HBS1L: variants seen among roughly 807,000 people sequenced by gnomAD.
The protein encoded by HBS1L is HBS1 like translational GTPase.
A neutral mutation model predicts 88.9 loss-of-function variants in HBS1L; 55 were observed. The ratio of observed to expected loss-of-function variants is 0.62; its 90% CI spans 0.50 to 0.77. The LOEUF (loss-of-function observed/expected upper bound fraction) is 0.77, where lower values mean the gene tolerates loss of function less well. HBS1L is among the 30% of genes least tolerant of loss of function. The pLI, the probability that HBS1L is intolerant of heterozygous loss-of-function variation, is 0.00. For synonymous variants in HBS1L, 267 were observed against 288.5 expected (o/e 0.93, Z 0.76); for missense variants, 741 against 829.3 (o/e 0.89, Z 1.31).
At chr6:135,049,321 G>A (rs905627870) in intron 2 of HBS1L, among the ~76,000 whole-genome samples, 1 of 151,994 alleles carries the variant, frequency 6.6e-6, no homozygotes, top group African/African-American at 2.4e-5. Context: ...ATTCATGAGG[G>A]CTCTACCCTC....
chr6:134,999,509 G>A lies in HBS1L; in HGVS notation c.540-1853C>T, dbSNP rs917193071. Among the ~76,000 whole-genome samples the A allele has an allele frequency of 6.9e-5, 10 of 144,644 alleles. No individual in the cohort carries two copies. The East Asian group carries it at 1.8e-3, about 26-fold the overall frequency. 94.9% of individuals were successfully genotyped at this position (144,644 alleles called of 152,430 possible). Reference sequence around the variant, plus strand: ...ATCACCCAGGCTGGAGTGCAATGGTGCGATCTCAGCTCACTGCAACCTCCG... The same window carrying A: ...ATCACCCAGGCTGGAGTGCAATGGTACGATCTCAGCTCACTGCAACCTCCG... On this transcript the variant is annotated intron_variant, in intron 5 of 17. Coordinates refer to ENST00000367837, the MANE Select transcript of HBS1L (RefSeq NM_006620.4).
At chr6:134,980,832 G>T (rs1407127618) in intron 13 of HBS1L, among the ~76,000 whole-genome samples, 1 of 151,780 alleles carries the variant, frequency 6.6e-6, no homozygotes, top group Non-Finnish European at 1.5e-5. Context: ...GGACAGTACT[G>T]GTTAAAGAGC....
chr6:134,998,475 C>T (rs549596681), intron 5 of HBS1L, among the ~76,000 whole-genome samples: 1 of 152,324 alleles, frequency 6.6e-6, no homozygotes, highest in East Asian at 1.9e-4. Context: ...ATATGCCTCA[C>T]TTTGCTTTAA....
intron 4 of HBS1L, among the ~76,000 whole-genome samples, chr6:135,006,282 ATCTTAGTAAATT>A (rs553488878): frequency 1.7e-3 from 252 of 152,362 alleles, no homozygotes; most frequent in African/African-American, 5.9e-3. Flanking sequence ...AGAAGAAGAA[ATCTTAGTAAATT>A]TCTGATGAGA....
chr6:134,962,603 CAAA>C lies in HBS1L; in HGVS notation c.*2673_*2675del, dbSNP rs1447561127. The stretch of plus-strand genomic sequence containing the variant: ...GAATGTGTGAATAATACTAACAAGT[CAAA>C]ACATAGTTCTGTAATGTGTTCAAGC... On this transcript the variant is annotated 3_prime_UTR_variant, in exon 18 of 18. Coordinates refer to ENST00000367837, the MANE Select transcript of HBS1L (RefSeq NM_006620.4). 4 of 152,144 alleles carry C rather than the reference CAAA, an allele frequency of 2.6e-5. No individual in the cohort carries two copies. Among genetic ancestry groups the C allele is most frequent in the Admixed American group, 2.6e-4 (4 of 15,284 alleles). 9.4% of individuals were successfully genotyped at this position (152,144 alleles called of 1,614,324 possible).
rs547191153 is a variant in HBS1L at position 134,976,591 on chromosome 6, G to A, written c.1797+2088C>T. 1.1e-4 allele frequency among the ~76,000 whole-genome samples: 17 copies of A among 152,188 alleles called. No individual in the cohort carries two copies. In the South Asian group the frequency reaches 3.5e-3, roughly 32 times the overall value. On this transcript the variant is annotated intron_variant, in intron 15 of 17. Coordinates refer to ENST00000367837, the MANE Select transcript of HBS1L (RefSeq NM_006620.4). ...TCAGCCATACAAGGGTAGAGATAGT[G>A]TGTTTTGCAGCAACTTGGATAGGGC... is the stretch of plus-strand genomic sequence containing the variant.
intron 4 of HBS1L, among the ~76,000 whole-genome samples, chr6:135,005,135 T>C (rs1775575320): frequency 6.6e-6 from 1 of 152,142 alleles, no homozygotes; most frequent in Admixed American, 6.5e-5. Context: ...AAGTCATTGG[T>C]AGAGTTAGCA....
At chr6:135,027,932 T>C (rs1171194418) in intron 4 of HBS1L, among the ~76,000 whole-genome samples, 4 of 152,026 alleles carry the variant, frequency 2.6e-5, no homozygotes, top group Non-Finnish European at 5.9e-5. Flanking sequence ...ACTCGACTAA[T>C]TTTTTTGTAT....
intron 2 of HBS1L, among the ~76,000 whole-genome samples, chr6:135,045,874 AC>A (rs1471869949): frequency 6.6e-6 from 1 of 151,976 alleles, no homozygotes; most frequent in Non-Finnish European, 1.5e-5. Flanking sequence ...GATTCATATC[AC>A]AAGGTAAGAT....
At chr6:135,022,624 T>C (rs568138409) in intron 4 of HBS1L, among the ~76,000 whole-genome samples, 5 of 152,228 alleles carry the variant, frequency 3.3e-5, no homozygotes, top group African/African-American at 1.2e-4. Flanking sequence ...TGTATAAGTA[T>C]AAAATTCTCC....
At chr6:135,013,636 G>C (rs1775835753) in intron 4 of HBS1L, among the ~76,000 whole-genome samples, 1 of 152,148 alleles carries the variant, frequency 6.6e-6, no homozygotes, top group Non-Finnish European at 1.5e-5. Context: ...AAAGCAGTTA[G>C]AAGATTGTTG....
chr6:135,004,612 G>C (rs570158076), intron 4 of HBS1L, among the ~76,000 whole-genome samples: 28 of 152,214 alleles, frequency 1.8e-4, no homozygotes, highest in African/African-American at 6.5e-4. Flanking sequence ...TCTAACGGAG[G>C]CGGAAGTTAC....
At chr6:135,036,412 T>C in intron 4 of HBS1L, 1 of 1,328,720 alleles carries the variant, frequency 7.5e-7, no homozygotes, top group South Asian at 2.3e-5. Context: ...AAAAAATCAG[T>C]GCAAAAATAC....
chr6:134,982,466 G>T lies in HBS1L; in HGVS notation c.1589C>A (p.Thr530Asn). 6.3e-7 allele frequency: 1 copy of T among 1,594,132 alleles called. No homozygotes were observed. The change falls in exon 13 of 18, where the codon ACC becomes AAC. Residue 530 changes from threonine (T) to asparagine (N), a missense_variant. Coordinates refer to ENST00000367837, the MANE Select transcript of HBS1L (RefSeq NM_006620.4). ...LLAMPPNETC[T>N]VKGITLHDEP... is the part of the protein sequence containing the mutation. ...ATCTTGCAGATAAATACCTTTCACG[G>T]TACAAGTTTCATTAGGAGGCATTGC...
chr6:135,020,161 CA>C (rs3834279), intron 4 of HBS1L, among the ~76,000 whole-genome samples: 8,054 of 142,798 alleles, frequency 0.056, 630 homozygotes, highest in African/African-American at 0.18. Context: ...AAAAACCCTC[CA>C]AAAAAAAAAA....
At chr6:135,011,115 A>G (rs903718338) in intron 4 of HBS1L, among the ~76,000 whole-genome samples, 10 of 152,230 alleles carry the variant, frequency 6.6e-5, no homozygotes, top group African/African-American at 2.2e-4. Flanking sequence ...TATACAGCAT[A>G]TCATATATAA....
chr6:134,964,058 G>A lies in HBS1L; in HGVS notation c.*1221C>T, dbSNP rs1774245130. The A allele has an allele frequency of 6.6e-6, 1 of 152,138 alleles. No individual in the cohort carries two copies. Among genetic ancestry groups the A allele is most frequent in the South Asian group, 2.1e-4 (1 of 4,828 alleles). The allele number at this position is 152,138 out of a possible 1,614,324, so 9.4% of individuals were successfully genotyped here. A position where few individuals can be genotyped will look rare whatever the true frequency, so the allele number is the denominator to read the frequency against. On this transcript the variant is annotated 3_prime_UTR_variant, in exon 18 of 18. Transcript: ENST00000367837. ...GGTAATCATTCACTAAGCAACACAT[G>A]TATAATCTGCCTACTTTACCATACA...
chr6:134,996,902 C>T lies in HBS1L; in HGVS notation c.840G>A (p.Met280Ile), dbSNP rs761379128. The change falls in exon 7 of 18, where the codon ATG becomes ATA. Residue 280 changes from methionine (M) to isoleucine (I), a missense_variant. Around this residue, in one of 3 missense-constraint regions of HBS1L, gnomAD observed 556 missense variants for 598.4 expected, o/e 0.93. Coordinates refer to ENST00000367837, the MANE Select transcript of HBS1L (RefSeq NM_006620.4). ...TGTTTATATTACCCAGAAGATAAAG[C>T]ATATGGCCCATCAGAGTACTTTTCC... ...DAGKSTLMGH[M>I]LYLLGNINKR... is the part of the protein sequence containing the mutation. 4 of 1,605,546 alleles carry T rather than the reference C, an allele frequency of 2.5e-6. No homozygotes were observed. Among genetic ancestry groups the T allele is most frequent in the Admixed American group, 1.7e-5 (1 of 57,684 alleles).
chr6:135,039,625 C>G lies in HBS1L; in HGVS notation c.378G>C (p.Gln126His). The G allele has an allele frequency of 7.4e-6, 12 of 1,614,172 alleles. No individual in the cohort carries two copies. The highest frequency in any genetic ancestry group is 1.0e-5 in the Non-Finnish European group (12 of 1,180,020). The change falls in exon 4 of 18, where the codon CAG (glutamine) becomes CAC (histidine). Residue 126 changes from glutamine to histidine, a missense_variant. Gln to His is a conservative substitution (Grantham distance 24). Around this residue, in one of 3 missense-constraint regions of HBS1L, gnomAD observed 556 missense variants for 598.4 expected, o/e 0.93. Coordinates refer to ENST00000367837, the MANE Select transcript of HBS1L (RefSeq NM_006620.4). ...LSGVLEQDRV[Q>H]SLKDKNEATV... ...TTGCCTCATTCTTGTCCTTCAAACT[C>G]TGCACTCTATCTTGTTCCAGAACCC...
Sources: gnomAD v4.1 joint callset for allele counts (sites outside exome capture counted in the v4.1 genomes callset) on GRCh38, gnomAD v4.1.1 for gene constraint, gnomAD v4.1.1 regional missense constraint, MANE v1.5 for transcripts, NCBI Gene and HGNC (gene_info 2026-07-23, HGNC 2026-07-21) for gene names.